The following HPRT1 variants were observed in gnomAD, a reference collection of about 807,000 sequenced individuals.
HPRT1 encodes the protein hypoxanthine-guanine phosphoribosyltransferase.
Under a neutral mutation model 19.0 loss-of-function variants are expected in HPRT1, and 4 were observed. That is an observed-to-expected ratio of 0.21 (90% CI 0.10 to 0.48). The LOEUF (loss-of-function observed/expected upper bound fraction) is 0.48, where lower values mean the gene tolerates loss of function less well. HPRT1 is among the 20% of genes least tolerant of loss of function. The pLI is 0.98. For synonymous variants in HPRT1, 53 were observed against 54.9 expected, an observed-to-expected ratio of 0.97 and a Z score of 0.15; for missense variants, 65 against 164.0, an observed-to-expected ratio of 0.40 and a Z score of 3.30.
chrX:134,461,424 T>C (rs1367903305), intron 1 of HPRT1, among the ~76,000 whole-genome samples: 4 of 112,363 alleles, frequency 3.6e-5, no homozygotes, highest in African/African-American at 9.7e-5. Context: ...TATTAGGCAT[T>C]GTAATGACTT....
intron 6 of HPRT1, among the ~76,000 whole-genome samples, chrX:134,494,683 A>G (rs2077675688): frequency 8.9e-6 from 1 of 112,239 alleles, no homozygotes; most frequent in African/African-American, 3.2e-5. Flanking sequence ...ACCAAATAGA[A>G]ACTAATCAGT....
At chrX:134,495,271 T>C (rs1372169697) in intron 6 of HPRT1, among the ~76,000 whole-genome samples, 1 of 109,715 alleles carries the variant, frequency 9.1e-6, no homozygotes, top group Non-Finnish European at 1.9e-5. Context: ...CCAGTTTTCA[T>C]GTTCTAGGCA....
intron 6 of HPRT1, 101 bp from the exon 7 acceptor site, chrX:134,498,289 A>G (rs1420349603): frequency 1.3e-5 from 9 of 681,820 alleles, no homozygotes; most frequent in African/African-American, 2.1e-5. Context: ...TGGTACACTC[A>G]GCACGGATGA....
At chrX:134,460,911 A>G (rs1375574280) in intron 1 of HPRT1, among the ~76,000 whole-genome samples, 1 of 111,489 alleles carries the variant, frequency 9.0e-6, no homozygotes, top group East Asian at 2.8e-4. Flanking sequence ...AACCATGCGT[A>G]TTTGACACAC....
chrX:134,464,875 T>A (rs1394518171), intron 1 of HPRT1, among the ~76,000 whole-genome samples: 1 of 109,676 alleles, frequency 9.1e-6, no homozygotes, highest in Non-Finnish European at 1.9e-5. Flanking sequence ...CCCACATAGC[T>A]CATTTTTAGA....
At chrX:134,466,184 C>G (rs1213738034) in intron 1 of HPRT1, among the ~76,000 whole-genome samples, 1 of 110,405 alleles carries the variant, frequency 9.1e-6, no homozygotes, top group Non-Finnish European at 1.9e-5. Context: ...CTTTGGGAGG[C>G]CAAGGTGGGT....
At chrX:134,475,429 A>AGC in intron 3 of HPRT1, 65 bp downstream of exon 3, 1 of 728,559 alleles carries the variant, frequency 1.4e-6, no homozygotes, top group Non-Finnish European at 2.1e-6. Flanking sequence ...TTTTCTTTGA[A>AGC]TCTCTGCAAA....
At chrX:134,494,027 C>G (rs1057232594) in intron 6 of HPRT1, among the ~76,000 whole-genome samples, 2 of 111,817 alleles carry the variant, frequency 1.8e-5, no homozygotes, top group Non-Finnish European at 3.8e-5. Context: ...TTTATTAAGT[C>G]GGCCTCACCT....
At chrX:134,478,377 G>A (rs897875477) in intron 3 of HPRT1, among the ~76,000 whole-genome samples, 1 of 111,360 alleles carries the variant, frequency 9.0e-6, no homozygotes, top group African/African-American at 3.3e-5. Flanking sequence ...AGTGCTTTGG[G>A]AGATCGAGGT....
At chrX:134,475,772 C>T (rs755634335) in intron 3 of HPRT1, among the ~76,000 whole-genome samples, 163 of 110,522 alleles carry the variant, frequency 1.5e-3, no homozygotes, top group Non-Finnish European at 2.2e-3. Context: ...AGAGTATTGG[C>T]GAATTGAAGA....
intron 4 of HPRT1, 39 bp downstream of exon 4, chrX:134,486,569 A>G (rs376010219): frequency 1.0e-5 from 8 of 801,429 alleles, no homozygotes; most frequent in African/African-American, 4.1e-5. Context: ...AGCACTTCAT[A>G]CCGAGTCAAT....
In HPRT1 at chrX:134,500,342, A is replaced by G; in HGVS notation, c.*265A>G. 6.3e-6 allele frequency: 2 copies of G among 319,891 alleles called. No homozygotes were observed. Among genetic ancestry groups the G allele is most frequent in the Non-Finnish European group, 1.1e-5 (2 of 184,479 alleles). 26.4% of individuals were successfully genotyped at this position (319,891 alleles called of 1,213,427 possible). ...TGAAAAAATTCTCTTAAACCACAGC[A>G]CTATTGAGTGAAACATTGAACTCAT... On this transcript the variant is annotated 3_prime_UTR_variant, in exon 9 of 9. Transcript: ENST00000298556.
At chrX:134,476,067 A>G (rs2077624581) in intron 3 of HPRT1, among the ~76,000 whole-genome samples, 1 of 112,389 alleles carries the variant, frequency 8.9e-6, no homozygotes, top group East Asian at 2.8e-4. Flanking sequence ...CCTTTAAAAT[A>G]GGAATTTTTC....
At chrX:134,480,920 A>C (rs1312690489) in intron 3 of HPRT1, among the ~76,000 whole-genome samples, 1 of 107,710 alleles carries the variant, frequency 9.3e-6, no homozygotes, top group Non-Finnish European at 1.9e-5. Flanking sequence ...AAAGATGCAA[A>C]TTAATACTTT....
intron 3 of HPRT1, among the ~76,000 whole-genome samples, chrX:134,482,467 C>G (rs1396170062): frequency 8.9e-6 from 1 of 112,214 alleles, no homozygotes; most frequent in Non-Finnish European, 1.9e-5. Context: ...ATAGAACTTT[C>G]TTTGAGGATG....
At chrX:134,465,996 C>T (rs767142047) in intron 1 of HPRT1, among the ~76,000 whole-genome samples, 5 of 110,347 alleles carry the variant, frequency 4.5e-5, no homozygotes, top group South Asian at 7.8e-4. Context: ...CCCACACCCC[C>T]CCCATACCTT....
intron 3 of HPRT1, among the ~76,000 whole-genome samples, chrX:134,480,220 T>C (rs1053463637): frequency 9.0e-6 from 1 of 111,592 alleles, no homozygotes; most frequent in African/African-American, 3.3e-5. Context: ...TTACTCAAGA[T>C]CATACAAGTC....
intron 3 of HPRT1, among the ~76,000 whole-genome samples, chrX:134,481,615 G>T (rs752200639): frequency 9.0e-6 from 1 of 110,863 alleles, no homozygotes; most frequent in East Asian, 2.8e-4. Context: ...AGACAGGGGT[G>T]AGAGAAAGAA....
chrX:134,463,939 C>T (rs930272306), intron 1 of HPRT1, among the ~76,000 whole-genome samples: 15 of 111,939 alleles, frequency 1.3e-4, no homozygotes, highest in African/African-American at 3.9e-4. Flanking sequence ...TCTACTAGTT[C>T]GATCACATAC....
Sources: gnomAD v4.1 joint callset for allele counts (sites outside exome capture counted in the v4.1 genomes callset) on GRCh38, gnomAD v4.1.1 for gene constraint, MANE v1.5 for transcripts, NCBI Gene and HGNC (gene_info 2026-07-23, HGNC 2026-07-21) for gene names.